The following TBPL2 variants were observed in gnomAD, a reference collection of about 807,000 sequenced individuals.
The protein encoded by TBPL2 is TATA-box binding protein like 2.
A neutral mutation model predicts 38.2 loss-of-function variants in TBPL2; 40 were observed. The observed-to-expected ratio is 1.05, with a 90% CI of 0.81 to 1.36. The LOEUF (loss-of-function observed/expected upper bound fraction) is 1.36. TBPL2 is among the 40% of genes most tolerant of loss of function. The probability of loss-of-function intolerance (pLI) is 0.00; values close to 1 mark genes in which losing one functional copy is unlikely to be tolerated. For synonymous variants in TBPL2, 169 were observed against 171.7 expected, an observed-to-expected ratio of 0.98 and a Z score of 0.12; for missense variants, 461 against 456.7, an observed-to-expected ratio of 1.01 and a Z score of -0.09.
At chr14:55,431,732 C>G (rs764706857) in intron 4 of TBPL2, among the ~76,000 whole-genome samples, 3 of 151,978 alleles carry the variant, frequency 2.0e-5, no homozygotes, top group African/African-American at 7.3e-5. Context: ...ATCTGAGTAC[C>G]GACTGATCAT....
intron 6 of TBPL2, among the ~76,000 whole-genome samples, chr14:55,416,245 C>T (rs1356929365): frequency 6.6e-6 from 1 of 152,114 alleles, no homozygotes; most frequent in Non-Finnish European, 1.5e-5. Flanking sequence ...TTGTTATGTG[C>T]GTTCACCTTA....
intron 5 of TBPL2, among the ~76,000 whole-genome samples, chr14:55,428,021 T>C (rs903972866): frequency 1.5e-5 from 2 of 129,364 alleles, no homozygotes; most frequent in Admixed American, 7.3e-5. Flanking sequence ...TCATAGAACG[T>C]GCTACAGCAT....
chr14:55,440,015 G>C (rs1886084966), intron 1 of TBPL2, among the ~76,000 whole-genome samples: 1 of 151,266 alleles, frequency 6.6e-6, no homozygotes. Context: ...CACGAGAATC[G>C]CTTGAACCCA....
intron 6 of TBPL2, 37 bp downstream of exon 6, chr14:55,424,122 T>G: frequency 6.8e-7 from 1 of 1,465,548 alleles, no homozygotes; most frequent in Non-Finnish European, 9.5e-7. Context: ...GCATAGCAAT[T>G]ACATTTTATG....
exon 1 of TBPL2, chr14:55,440,565 G>T: frequency 6.4e-7 from 1 of 1,570,794 alleles, no homozygotes; most frequent in Non-Finnish European, 8.6e-7. Flanking sequence ...TGGGGGCAGC[G>T]AGGCGGGGCG....
At chr14:55,424,060 A>T in intron 6 of TBPL2, 99 bp downstream of exon 6, 1 of 801,042 alleles carries the variant, frequency 1.2e-6, no homozygotes, top group Non-Finnish European at 2.0e-6. Context: ...GTATAACAAG[A>T]ATTACTTTAC....
At chr14:55,439,601 G>A (rs1205758980) in intron 1 of TBPL2, among the ~76,000 whole-genome samples, 1 of 108,756 alleles carries the variant, frequency 9.2e-6, no homozygotes, top group Non-Finnish European at 1.9e-5. Context: ...CACCAGCCTG[G>A]GGAGAAAAGC....
chr14:55,419,180 CT>C (rs1236548094), intron 6 of TBPL2, among the ~76,000 whole-genome samples: 1 of 152,214 alleles, frequency 6.6e-6, no homozygotes, highest in African/African-American at 2.4e-5. Flanking sequence ...GCCCAGTGGG[CT>C]CTGGAGCCTG....
chr14:55,436,938 C>A, exon 2 of TBPL2: 2 of 1,614,092 alleles, frequency 1.2e-6, no homozygotes, highest in Non-Finnish European at 1.7e-6. Flanking sequence ...ATGCAGTATC[C>A]GGATTGGATG....
chr14:55,424,098 TA>T, intron 6 of TBPL2, 60 bp downstream of exon 6: 1 of 1,171,822 alleles, frequency 8.5e-7, no homozygotes, highest in East Asian at 2.4e-5. Flanking sequence ...TTTAAAAGAA[TA>T]AGCAAAGCAC....
intron 4 of TBPL2, among the ~76,000 whole-genome samples, chr14:55,431,261 A>G (rs1885920774): frequency 6.6e-6 from 1 of 152,270 alleles, no homozygotes; most frequent in South Asian, 2.1e-4. Flanking sequence ...AGTATCTCTT[A>G]TTATCTGAAC....
chr14:55,439,503 C>G (rs1594795641), intron 1 of TBPL2, among the ~76,000 whole-genome samples: 2 of 149,944 alleles, frequency 1.3e-5, no homozygotes, highest in African/African-American at 2.5e-5. Flanking sequence ...TAGAACCAGG[C>G]GGGGGGCCAG....
intron 6 of TBPL2, among the ~76,000 whole-genome samples, chr14:55,418,398 T>G (rs1273229679): frequency 2.6e-5 from 4 of 152,236 alleles, no homozygotes; most frequent in Admixed American, 1.3e-4. Context: ...TGTTCTTACA[T>G]CAAGTCATAA....
intron 4 of TBPL2, among the ~76,000 whole-genome samples, chr14:55,431,159 A>G (rs1206116744): frequency 6.6e-6 from 1 of 152,244 alleles, no homozygotes; most frequent in Non-Finnish European, 1.5e-5. Context: ...ATAGGTTTGG[A>G]TAAAATGTGG....
exon 1 of TBPL2, chr14:55,440,439 T>C (rs1165908601): frequency 6.2e-7 from 1 of 1,612,876 alleles, no homozygotes; most frequent in South Asian, 1.1e-5. Flanking sequence ...GTAGGTCTCC[T>C]CCTGCTCCAT....
At chr14:55,426,098 C>CAATAAAAAAAACCAA (rs1885817323) in intron 5 of TBPL2, among the ~76,000 whole-genome samples, 1 of 151,964 alleles carries the variant, frequency 6.6e-6, no homozygotes, top group Non-Finnish European at 1.5e-5. Flanking sequence ...AAAACCTCGT[C>CAATAAAAAAAACCAA]TCTACTAAAA....
exon 7 of TBPL2, chr14:55,414,401 A>G (rs778195216): frequency 1.1e-5 from 18 of 1,606,348 alleles, no homozygotes; most frequent in Admixed American, 1.7e-5. Context: ...AAAACCTTTT[A>G]GAATAGGATA....
exon 1 of TBPL2, chr14:55,440,409 T>G: frequency 1.2e-6 from 2 of 1,612,844 alleles, no homozygotes; most frequent in Non-Finnish European, 1.7e-6. Context: ...AGCGGCGCAC[T>G]GGTCCAGGTA....
exon 1 of TBPL2, chr14:55,440,498 C>T: frequency 6.2e-7 from 1 of 1,612,282 alleles, no homozygotes; most frequent in Non-Finnish European, 8.5e-7. Context: ...AGGGTAAGCG[C>T]GGAGCGAGCA....
Sources: allele counts gnomAD v4.1 joint callset (sites outside exome capture counted in the v4.1 genomes callset), GRCh38; gene constraint gnomAD v4.1.1; transcripts MANE v1.5; gene names NCBI Gene and HGNC (gene_info 2026-07-23, HGNC 2026-07-21).